The following MGST1 variants were observed in gnomAD, a reference collection of about 807,000 sequenced individuals.
MGST1 encodes the protein glutathione S-transferase 12.
In MGST1, 5 loss-of-function variants were observed where a neutral mutation model predicts 8.9. That is an observed-to-expected ratio of 0.56 (90% CI 0.29 to 1.19). The LOEUF (loss-of-function observed/expected upper bound fraction) is 1.19. Ranked by LOEUF, MGST1 falls within the 50% of genes most tolerant of loss-of-function variation. MGST1 has a pLI of 0.08. For synonymous variants in MGST1, 54 were observed against 67.8 expected, an observed-to-expected ratio of 0.80 and a Z score of 1.00; for missense variants, 182 against 187.4, an observed-to-expected ratio of 0.97 and a Z score of 0.17.
intron 4 of MGST1, among the ~76,000 whole-genome samples, chr12:16,459,862 C>A (rs1405163204): frequency 6.6e-6 from 1 of 152,032 alleles, no homozygotes; most frequent in Non-Finnish European, 1.5e-5. Context: ...GGGAAAGTCT[C>A]CCGTGGCGGT....
chr12:16,523,841 G>A lies in MGST1; in HGVS notation n.483-65687G>A, dbSNP rs566119583. On this transcript the variant is annotated intron_variant and non_coding_transcript_variant, in intron 4 of 4. Coordinates refer to the MGST1 transcript ENST00000538857. ...AAGAGAAGAGATCTCAGAATGCATT[G>A]CATTGTCAGCATTGTTAGAATAAGC... 2.0e-5 allele frequency among the ~76,000 whole-genome samples: 3 copies of A among 151,998 alleles called. No individual in the cohort carries two copies. The East Asian group carries it at 5.8e-4, about 29-fold the overall frequency.
At chr12:16,490,684 C>G (rs1034457758) in intron 4 of MGST1, among the ~76,000 whole-genome samples, 4 of 152,060 alleles carry the variant, frequency 2.6e-5, no homozygotes, top group Non-Finnish European at 5.9e-5. Flanking sequence ...TATAACTATC[C>G]TATCTTCCAT....
chr12:16,416,646 A>G (rs998579628), intron 1 of MGST1, among the ~76,000 whole-genome samples: 2 of 152,278 alleles, frequency 1.3e-5, no homozygotes, highest in African/African-American at 4.8e-5. Context: ...CAAAGGCCCC[A>G]TCTCCAAATA....
In MGST1 at chr12:16,560,931, A is replaced by T. The variant is rs573878754; in HGVS notation, n.483-28597A>T. ...TAGTTGGGAAAGGAACCAACTAATG[A>T]ATGATTCACTACTTTTTGACATTTA... On this transcript the variant is annotated intron_variant and non_coding_transcript_variant, in intron 4 of 4. Coordinates refer to the MGST1 transcript ENST00000538857. This position sits in a 1 kb window ranked among gnomAD's most constrained non-coding sequence, Gnocchi z 5.0. The T allele has an allele frequency of 1.6e-5, 3 of 188,780 alleles. No homozygotes were observed. Among genetic ancestry groups the T allele is most frequent in the African/African-American group, 7.2e-5 (3 of 41,958 alleles). The allele number at this position is 188,780 out of a possible 1,614,324, so 11.7% of individuals were successfully genotyped here. A position where few individuals can be genotyped will look rare whatever the true frequency, so the allele number is the denominator to read the frequency against.
chr12:16,386,334 A>C (rs1055085652), intron 1 of MGST1, among the ~76,000 whole-genome samples: 6 of 152,232 alleles, frequency 3.9e-5, no homozygotes, highest in African/African-American at 7.2e-5. Flanking sequence ...GCTCTGAAGA[A>C]GCAGTTTATA....
chr12:16,348,223 A>G (rs543729154), intron 1 of MGST1, among the ~76,000 whole-genome samples: 166 of 152,308 alleles, frequency 1.1e-3, no homozygotes, highest in African/African-American at 3.8e-3. Context: ...TTAAAATAAT[A>G]CTAAATAATA....
downstream of MGST1, among the ~76,000 whole-genome samples, chr12:16,368,509 T>C (rs972085729): frequency 6.6e-6 from 1 of 152,164 alleles, no homozygotes. Flanking sequence ...TAGGTGTTCC[T>C]GCCATCAGCC....
downstream of MGST1, chr12:16,367,245 A>C (rs1001345203): frequency 2.6e-5 from 4 of 152,162 alleles, no homozygotes; most frequent in Admixed American, 6.5e-5. Context: ...TCCGTGGTTT[A>C]AACAAGGCTG....
intron 1 of MGST1, among the ~76,000 whole-genome samples, chr12:16,406,005 A>G (rs1045762976): frequency 2.0e-5 from 3 of 152,314 alleles, no homozygotes; most frequent in African/African-American, 7.2e-5. Context: ...GGCACAAGAC[A>G]AAGATGCCCT....
intron 1 of MGST1, among the ~76,000 whole-genome samples, chr12:16,403,676 G>A (rs1016093585): frequency 6.6e-6 from 1 of 152,032 alleles, no homozygotes; most frequent in Non-Finnish European, 1.5e-5. Context: ...AAAGGAAAGA[G>A]GTTTAATTGA....
chr12:16,570,673 G>A (rs1029607441), intron 4 of MGST1, among the ~76,000 whole-genome samples: 1 of 152,122 alleles, frequency 6.6e-6, no homozygotes, highest in Admixed American at 6.6e-5. Flanking sequence ...TGTGAAACAC[G>A]AACGAGTGAT....
At chr12:16,463,947 G>A (rs1941238129) in intron 4 of MGST1, among the ~76,000 whole-genome samples, 1 of 152,170 alleles carries the variant, frequency 6.6e-6, no homozygotes, top group Non-Finnish European at 1.5e-5. Context: ...GTATATGACT[G>A]GCTATCACAT....
chr12:16,542,387 G>T (rs182082057), intron 4 of MGST1, among the ~76,000 whole-genome samples: 4 of 152,288 alleles, frequency 2.6e-5, no homozygotes, highest in East Asian at 1.9e-4. Flanking sequence ...AAAGCCCAAA[G>T]AATTTTTGAA....
At chr12:16,444,182 G>GTTTTTTT (rs1410059091) in intron 4 of MGST1, among the ~76,000 whole-genome samples, 3 of 135,046 alleles carry the variant, frequency 2.2e-5, no homozygotes, top group East Asian at 2.5e-4. Flanking sequence ...TGGCTGATTT[G>GTTTTTTT]GTTTTTTTTT....
chr12:16,542,080 C>T (rs928876008), intron 4 of MGST1, among the ~76,000 whole-genome samples: 8 of 152,124 alleles, frequency 5.3e-5, no homozygotes, highest in Non-Finnish European at 8.8e-5. Flanking sequence ...TGGTCCACCT[C>T]TAGTTTTCAT....
At chr12:16,455,981 T>TG (rs1231922605) in intron 4 of MGST1, among the ~76,000 whole-genome samples, 5 of 151,842 alleles carry the variant, frequency 3.3e-5, no homozygotes, top group African/African-American at 9.7e-5. Flanking sequence ...TGCAAAAATA[T>TG]TTTTGTTAAA....
At chr12:16,348,664 GGTCCCAGCCTGCTGTGA>G (rs1199536216) in intron 1 of MGST1, among the ~76,000 whole-genome samples, 1 of 151,992 alleles carries the variant, frequency 6.6e-6, no homozygotes, top group Non-Finnish European at 1.5e-5. Context: ...GTTTTCCTGG[GGTCCCAGCCTGCTGTGA>G]GTCCCAGCCT....
At chr12:16,543,664 C>T (rs1179453734) in intron 4 of MGST1, among the ~76,000 whole-genome samples, 1 of 151,904 alleles carries the variant, frequency 6.6e-6, no homozygotes, top group Non-Finnish European at 1.5e-5. Flanking sequence ...GGTATTACCT[C>T]CATTTTACAG....
chr12:16,378,724 A>T (rs61915273), downstream of MGST1, among the ~76,000 whole-genome samples: 9 of 145,776 alleles, frequency 6.2e-5, no homozygotes, highest in Non-Finnish European at 9.1e-5. Context: ...TTGAATCTAT[A>T]AATTACCTTG....
Sources: gnomAD v4.1 joint callset for allele counts (sites outside exome capture counted in the v4.1 genomes callset) on GRCh38, gnomAD v4.1.1 for gene constraint, Gnocchi (gnomAD v3.1) non-coding constraint, MANE v1.5 for transcripts, NCBI Gene and HGNC (gene_info 2026-07-23, HGNC 2026-07-21) for gene names.